Variants in XKR4 observed in about 807,000 individuals in gnomAD.
XKR4 encodes the protein XK-related protein 4.
XKR4 carries 12 observed loss-of-function variants against 53.9 expected under a neutral mutation model. The ratio of observed to expected loss-of-function variants is 0.22; its 90% CI spans 0.14 to 0.36. The LOEUF (loss-of-function observed/expected upper bound fraction) is 0.36. Ranked by LOEUF, XKR4 falls within the 10% of genes least tolerant of loss-of-function variation. The probability of loss-of-function intolerance (pLI) is 1.00; values close to 1 mark genes in which losing one functional copy is unlikely to be tolerated. For missense variants in XKR4, 799 were observed against 859.5 expected (o/e 0.93, Z 0.88); for synonymous variants, 354 against 362.4 (o/e 0.98, Z 0.26).
intron 2 of XKR4, among the ~76,000 whole-genome samples, chr8:55,426,354 T>A (rs543860474): frequency 6.6e-6 from 1 of 152,180 alleles, no homozygotes; most frequent in South Asian, 2.1e-4. Context: ...TTCCTAAAAC[T>A]CATGGCATGC....
chr8:55,287,125 A>T (rs113483045), intron 1 of XKR4, among the ~76,000 whole-genome samples: 20,254 of 56,626 alleles, frequency 0.36, 1,623 homozygotes, highest in Non-Finnish European at 0.45. Context: ...TCAAATAATT[A>T]TTGGGTGGGG....
At chr8:55,287,029 C>A (rs1165175209) in intron 1 of XKR4, among the ~76,000 whole-genome samples, 1 of 150,096 alleles carries the variant, frequency 6.7e-6, no homozygotes, top group East Asian at 2.0e-4. Context: ...TAGAAGCTCT[C>A]TGTTTGGTTT....
At chr8:55,358,346 G>A (rs1386090098) in intron 2 of XKR4, among the ~76,000 whole-genome samples, 2 of 151,942 alleles carry the variant, frequency 1.3e-5, no homozygotes, top group Non-Finnish European at 2.9e-5. Context: ...TGAGAAAAAG[G>A]AGATTAAAAG....
rs1806919202 is a variant in XKR4 at position 55,529,343 on chromosome 8, A to G, written c.*5116A>G. On this transcript the variant is annotated 3_prime_UTR_variant, in exon 3 of 3. Transcript: ENST00000327381. ...ACAAGAGATGACTTAATGTCCTTGA[A>G]ATATTTTCGTAATATACTGACAGCC... 1 of 152,074 alleles carries G rather than the reference A, an allele frequency of 6.6e-6. No homozygotes were observed. The highest frequency in any genetic ancestry group is 6.6e-5 in the Admixed American group (1 of 15,266). The allele number at this position is 152,074 out of a possible 1,614,324, so 9.4% of individuals were successfully genotyped here.
intron 2 of XKR4, among the ~76,000 whole-genome samples, chr8:55,444,179 A>T (rs1393012841): frequency 6.6e-6 from 1 of 152,232 alleles, no homozygotes; most frequent in Non-Finnish European, 1.5e-5. Flanking sequence ...CAAAAACAAA[A>T]AACAAAACAA....
chr8:55,229,763 C>A (rs1230576279), intron 1 of XKR4, among the ~76,000 whole-genome samples: 1 of 152,190 alleles, frequency 6.6e-6, no homozygotes, highest in Non-Finnish European at 1.5e-5. Flanking sequence ...TCACCTTGGC[C>A]CCCCTACAGA....
intron 2 of XKR4, among the ~76,000 whole-genome samples, chr8:55,473,688 T>C (rs1563360564): frequency 6.6e-6 from 1 of 152,162 alleles, no homozygotes; most frequent in Non-Finnish European, 1.5e-5. Context: ...TCTTTGCATA[T>C]GGACCATTTC....
chr8:55,394,827 T>A (rs1002065817), intron 2 of XKR4, among the ~76,000 whole-genome samples: 1 of 152,132 alleles, frequency 6.6e-6, no homozygotes, highest in Non-Finnish European at 1.5e-5. Flanking sequence ...TGATTTAGAG[T>A]TCCCCAGCAT....
intron 1 of XKR4, among the ~76,000 whole-genome samples, chr8:55,275,595 A>G (rs1818752803): frequency 6.6e-6 from 1 of 152,216 alleles, no homozygotes. Context: ...AAGAATAAAT[A>G]CATCCCCCAT....
intron 1 of XKR4, among the ~76,000 whole-genome samples, chr8:55,239,972 A>G (rs1375758905): frequency 6.6e-6 from 1 of 152,198 alleles, no homozygotes; most frequent in Non-Finnish European, 1.5e-5. Context: ...GGCTGAACTA[A>G]GTACCCTGCT....
chr8:55,148,414 A>G (rs2129355268), intron 1 of XKR4, among the ~76,000 whole-genome samples: 1 of 151,704 alleles, frequency 6.6e-6, no homozygotes, highest in South Asian at 2.1e-4. Flanking sequence ...AAAAAAAAAT[A>G]TATATATATA....
At chr8:55,381,362 T>C (rs1318421527) in intron 2 of XKR4, among the ~76,000 whole-genome samples, 1 of 152,206 alleles carries the variant, frequency 6.6e-6, no homozygotes, top group African/African-American at 2.4e-5. Flanking sequence ...ATGGGATTTA[T>C]TAGGGAAATT....
intron 2 of XKR4, among the ~76,000 whole-genome samples, chr8:55,361,967 C>T (rs1297142642): frequency 6.6e-6 from 1 of 152,178 alleles, no homozygotes; most frequent in Non-Finnish European, 1.5e-5. Flanking sequence ...AGTATTTCCT[C>T]AAGGTGTCCT....
intron 2 of XKR4, among the ~76,000 whole-genome samples, chr8:55,427,054 G>A (rs1176270827): frequency 1.3e-5 from 2 of 152,152 alleles, no homozygotes; most frequent in African/African-American, 4.8e-5. Context: ...ATAAAATATG[G>A]TAATTGCTAG....
chr8:55,398,490 A>G (rs1804555103), intron 2 of XKR4, among the ~76,000 whole-genome samples: 1 of 152,238 alleles, frequency 6.6e-6, no homozygotes, highest in Admixed American at 6.5e-5. Context: ...CTTTGTTGGT[A>G]GGATTAAAAA....
intron 2 of XKR4, among the ~76,000 whole-genome samples, chr8:55,470,751 T>C (rs904527757): frequency 6.6e-6 from 1 of 152,152 alleles, no homozygotes; most frequent in Non-Finnish European, 1.5e-5. Flanking sequence ...AGCTTCTCAT[T>C]ATAATTTATG....
intron 2 of XKR4, among the ~76,000 whole-genome samples, chr8:55,486,509 T>A (rs920123631): frequency 2.0e-5 from 3 of 152,258 alleles, no homozygotes; most frequent in African/African-American, 7.2e-5. Flanking sequence ...TGCACAATTA[T>A]ACCTCCAGCA....
intron 2 of XKR4, among the ~76,000 whole-genome samples, chr8:55,382,378 G>A (rs1177252284): frequency 6.6e-6 from 1 of 152,196 alleles, no homozygotes; most frequent in Non-Finnish European, 1.5e-5. Context: ...TAAAATGCTA[G>A]CTACTAGGTT....
intron 2 of XKR4, among the ~76,000 whole-genome samples, chr8:55,478,401 A>G (rs1413169421): frequency 2.6e-5 from 4 of 152,142 alleles, no homozygotes; most frequent in Admixed American, 6.5e-5. Flanking sequence ...TGAAGGAAGC[A>G]CTAAACATGG....
Sources: gnomAD v4.1 joint callset for allele counts (sites outside exome capture counted in the v4.1 genomes callset) on GRCh38, gnomAD v4.1.1 for gene constraint, MANE v1.5 for transcripts, NCBI Gene and HGNC (gene_info 2026-07-23, HGNC 2026-07-21) for gene names.